The following LRRIQ3 variants were observed in gnomAD, a reference collection of about 807,000 sequenced individuals.
The protein encoded by LRRIQ3 is leucine-rich repeat and IQ domain-containing protein 3.
A neutral mutation model predicts 59.3 loss-of-function variants in LRRIQ3; 75 were observed. The ratio of observed to expected loss-of-function variants is 1.26; its 90% confidence interval spans 1.05 to 1.53. The LOEUF is 1.53. Among genes scored for constraint, LRRIQ3 ranks in the 40% most tolerant of loss-of-function variants. The probability of loss-of-function intolerance (pLI) is 0.00; values close to 1 mark genes in which losing one functional copy is unlikely to be tolerated. For missense variants in LRRIQ3, 831 were observed against 710.0 expected (o/e 1.17, Z -1.94); for synonymous variants, 250 against 231.3 (o/e 1.08, Z -0.73).
At chr1:74,032,623 T>G (rs973799807) in intron 7 of LRRIQ3, among the ~76,000 whole-genome samples, 2 of 152,150 alleles carry the variant, frequency 1.3e-5, no homozygotes, top group Non-Finnish European at 2.9e-5. Context: ...GAAAGGCTCA[T>G]GTGATACATT....
At chr1:74,146,136 T>C (rs1160493716) in intron 4 of LRRIQ3, among the ~76,000 whole-genome samples, 3 of 152,146 alleles carry the variant, frequency 2.0e-5, no homozygotes, top group Non-Finnish European at 2.9e-5. Context: ...TAGTAGGCTA[T>C]ATAACCTAAG....
At chr1:74,195,936 T>A (rs1651085774) in intron 1 of LRRIQ3, among the ~76,000 whole-genome samples, 7 of 152,090 alleles carry the variant, frequency 4.6e-5, no homozygotes, top group Admixed American at 3.9e-4. Context: ...ATCCCTAAAC[T>A]TTTTTTGCCT....
intron 4 of LRRIQ3, among the ~76,000 whole-genome samples, chr1:74,140,181 G>A (rs1418229121): frequency 6.6e-6 from 1 of 151,954 alleles, no homozygotes; most frequent in East Asian, 1.9e-4. Context: ...TTATGAGCTA[G>A]ATAGACAGAT....
chr1:74,150,611 T>C (rs1647869573), intron 4 of LRRIQ3, among the ~76,000 whole-genome samples: 2 of 152,298 alleles, frequency 1.3e-5, no homozygotes, highest in Admixed American at 6.5e-5. Flanking sequence ...TAGTTTATTA[T>C]AGCCCTAGCA....
chr1:74,080,169 A>AC (rs1284935684), intron 5 of LRRIQ3, among the ~76,000 whole-genome samples: 66 of 128,902 alleles, frequency 5.1e-4, no homozygotes, highest in Non-Finnish European at 1.0e-3. Context: ...TATCACACAC[A>AC]AAAAAAACCA....
rs111324280 is a variant in LRRIQ3, at chr1:74,135,007, C to T, written c.707+20726G>A. Among the ~76,000 whole-genome samples, 571 of 151,880 alleles carry T rather than the reference C, an allele frequency of 3.8e-3. 6 individuals carry two copies. Among genetic ancestry groups the T allele is most frequent in the African/African-American group, 0.013 (542 of 41,476 alleles). On this transcript the variant is annotated intron_variant, in intron 4 of 7. Coordinates refer to ENST00000354431, the MANE Select transcript of LRRIQ3 (RefSeq NM_001105659.2). ...TAAGTTTCTAACTACAATCTGTCTA[C>T]AAAAGAAACTTTAAAATTCAGAGAT...
chr1:74,166,743 G>C (rs113896882), intron 3 of LRRIQ3, among the ~76,000 whole-genome samples: 9 of 151,594 alleles, frequency 5.9e-5, no homozygotes, highest in African/African-American at 2.2e-4. Context: ...TTTTTATTCA[G>C]TTAACCATTT....
rs147720723 is a variant in LRRIQ3, at chr1:74,088,270, C to T, written c.868-13480G>A. Among the ~76,000 whole-genome samples the T allele has an allele frequency of 6.6e-5, 10 of 152,128 alleles. No individual in the cohort carries two copies. The East Asian group carries it at 1.9e-3, about 29-fold the overall frequency. On this transcript the variant is annotated intron_variant, in intron 5 of 7. Transcript: ENST00000354431. ...GAGAAAATAACACAACATTCATACA[C>T]ATGGGAGGAATTATTTGCATGTTAA...
intron 6 of LRRIQ3, among the ~76,000 whole-genome samples, chr1:74,045,521 A>C (rs575603145): frequency 5.3e-5 from 8 of 152,170 alleles, no homozygotes; most frequent in African/African-American, 1.9e-4. Context: ...ATGGGCAAAA[A>C]CCGGCAGCAT....
intron 3 of LRRIQ3, among the ~76,000 whole-genome samples, chr1:74,179,469 T>A: frequency 6.6e-6 from 1 of 152,162 alleles, no homozygotes; most frequent in East Asian, 1.9e-4. Context: ...ATACCAATTA[T>A]ATAAAATAAT....
intron 6 of LRRIQ3, among the ~76,000 whole-genome samples, chr1:74,067,763 T>G (rs904075293): frequency 6.6e-6 from 1 of 152,142 alleles, no homozygotes; most frequent in Non-Finnish European, 1.5e-5. Flanking sequence ...TAATCTAAAC[T>G]GTGCTGTGAG....
chr1:74,074,509 A>G (rs1217252997), intron 6 of LRRIQ3, 152 bp downstream of exon 6: 10 of 306,816 alleles, frequency 3.3e-5, no homozygotes, highest in Non-Finnish European at 5.3e-5. Flanking sequence ...CATTTGCTCC[A>G]AGATATGGAT....
intron 4 of LRRIQ3, among the ~76,000 whole-genome samples, chr1:74,153,806 T>G (rs568924387): frequency 1.3e-5 from 2 of 152,192 alleles, no homozygotes; most frequent in South Asian, 4.1e-4. Flanking sequence ...CTGGAGGACT[T>G]TAACTTGGTG....
At chr1:74,146,164 T>C (rs1173691948) in intron 4 of LRRIQ3, among the ~76,000 whole-genome samples, 1 of 152,162 alleles carries the variant, frequency 6.6e-6, no homozygotes. Context: ...AAGTACTCTC[T>C]ATGGGTTCAC....
In LRRIQ3 at chr1:74,183,428, T is replaced by C. The variant is rs749406128; in HGVS notation, c.249+8A>G. 2.6e-6 allele frequency: 4 copies of C among 1,555,838 alleles called. No individual in the cohort carries two copies. The highest frequency in any genetic ancestry group is 1.2e-5 in the South Asian group (1 of 81,208). ...TATATGCAAATATCTGAAATGGCTA[T>C]TGCTTACCTGATTTCCATGGAGATC... On this transcript the variant is annotated splice_region_variant and intron_variant, in intron 2 of 7. Coordinates refer to ENST00000354431, the MANE Select transcript of LRRIQ3 (RefSeq NM_001105659.2).
chr1:74,087,996 G>A (rs761572600), intron 5 of LRRIQ3, among the ~76,000 whole-genome samples: 1 of 152,026 alleles, frequency 6.6e-6, no homozygotes, highest in Non-Finnish European at 1.5e-5. Context: ...GGGAGGCTGA[G>A]GCAGAAGAAT....
intron 5 of LRRIQ3, among the ~76,000 whole-genome samples, chr1:74,097,344 G>A (rs1646463556): frequency 1.3e-5 from 2 of 152,146 alleles, no homozygotes; most frequent in African/African-American, 4.8e-5. Flanking sequence ...AATGAAGCGA[G>A]AAGAGAAGTT....
chr1:74,098,285 A>AAC (rs1357600374), intron 5 of LRRIQ3, among the ~76,000 whole-genome samples: 3 of 151,772 alleles, frequency 2.0e-5, no homozygotes, highest in East Asian at 3.9e-4. Flanking sequence ...ACTTTAAACC[A>AAC]AAAGATCAAA....
chr1:74,082,754 A>G (rs1646287273), intron 5 of LRRIQ3: 1 of 151,554 alleles, frequency 6.6e-6, no homozygotes, highest in Non-Finnish European at 1.5e-5. Context: ...AAGTAGCTAT[A>G]TATATATAAT....
Sources: gnomAD v4.1 joint callset for allele counts (sites outside exome capture counted in the v4.1 genomes callset) on GRCh38, gnomAD v4.1.1 for gene constraint, MANE v1.5 for transcripts, NCBI Gene and HGNC (gene_info 2026-07-23, HGNC 2026-07-21) for gene names.